Variants in CSMD1 observed in about 807,000 individuals in gnomAD.
CSMD1 encodes CUB and Sushi multiple domains 1.
A neutral mutation model predicts 417.5 loss-of-function variants in CSMD1; 213 were observed. That is an observed-to-expected ratio of 0.51 (90% CI 0.46 to 0.57). The LOEUF is 0.57. Ranked by LOEUF, CSMD1 falls within the 20% of genes least tolerant of loss-of-function variation. CSMD1 has a pLI of 0.00. For synonymous variants in CSMD1, 2,862 were observed against 1,736.8 expected (o/e 1.65, Z -16.11); for missense variants, 6,923 against 4,529.7 (o/e 1.53, Z -15.17).
At chr8:3,778,375 G>C (rs560128282) in intron 5 of CSMD1, among the ~76,000 whole-genome samples, 1 of 152,190 alleles carries the variant, frequency 6.6e-6, no homozygotes. Flanking sequence ...ATTTCGGTAA[G>C]AAGACCGGGG....
chr8:4,983,845 G>GAGAC (rs1554540605), intron 1 of CSMD1, among the ~76,000 whole-genome samples: 2 of 151,904 alleles, frequency 1.3e-5, no homozygotes, highest in African/African-American at 4.8e-5. Flanking sequence ...ACATATGATA[G>GAGAC]AACTAGAAGT....
chr8:3,595,485 G>A (rs973516899), intron 8 of CSMD1, among the ~76,000 whole-genome samples: 3 of 152,090 alleles, frequency 2.0e-5, no homozygotes, highest in African/African-American at 7.2e-5. Flanking sequence ...GAGAGTAGAT[G>A]GAACTCTCTA....
In CSMD1 at chr8:2,937,361, T is replaced by G. The variant is rs1473365147; in HGVS notation, c.*1224A>C. The G allele has an allele frequency of 6.6e-6, 1 of 151,812 alleles. No individual in the cohort carries two copies. The highest frequency in any genetic ancestry group is 1.5e-5 in the Non-Finnish European group (1 of 67,978). 9.4% of individuals were successfully genotyped at this position (151,812 alleles called of 1,614,324 possible). ...ACTTGGTATTTTGATCCTGAACAAT[T>G]TTCACTGAGTTCAAGGTGCTACTGT... is the stretch of plus-strand genomic sequence containing the variant. On this transcript the variant is annotated 3_prime_UTR_variant, in exon 70 of 70. Transcript: ENST00000635120.
chr8:4,806,071 T>G (rs186159820), intron 1 of CSMD1, among the ~76,000 whole-genome samples: 1 of 152,232 alleles, frequency 6.6e-6, no homozygotes, highest in Admixed American at 6.5e-5. Flanking sequence ...TCGGTGTCAT[T>G]TACAGACCCA....
In CSMD1 at chr8:4,057,020, G is replaced by C. The variant is rs1237254676; in HGVS notation, c.416-24921C>G. On this transcript the variant is annotated intron_variant, in intron 3 of 69. Transcript: ENST00000635120. Reference sequence around the variant, plus strand: ...TACGTGTGCATGTGTCTTTATAGCAGCATGATTTATAGTCCTTTGGGTATG... The same window carrying C: ...TACGTGTGCATGTGTCTTTATAGCACCATGATTTATAGTCCTTTGGGTATG... 2.6e-5 allele frequency among the ~76,000 whole-genome samples: 4 copies of C among 152,272 alleles called. No individual in the cohort carries two copies. In the East Asian group the frequency reaches 7.7e-4, roughly 29 times the overall value.
At chr8:4,024,539 C>T (rs1796964234) in intron 4 of CSMD1, among the ~76,000 whole-genome samples, 1 of 152,138 alleles carries the variant, frequency 6.6e-6, no homozygotes, top group African/African-American at 2.4e-5. Context: ...AATCAGAGGT[C>T]AAGTCAATTT....
intron 5 of CSMD1, among the ~76,000 whole-genome samples, chr8:3,794,247 G>C (rs76150434): frequency 0.028 from 4,215 of 152,300 alleles, 90 homozygotes; most frequent in African/African-American, 0.051. Context: ...ACGCAGTTGA[G>C]ATGTTGATGG....
At chr8:2,978,065 C>T (rs1032556036) in intron 55 of CSMD1, among the ~76,000 whole-genome samples, 2 of 152,172 alleles carry the variant, frequency 1.3e-5, no homozygotes, top group Non-Finnish European at 2.9e-5. Flanking sequence ...CCAGCAATCC[C>T]ACTACTGGGT....
rs540717750 is a variant in CSMD1 at position 4,624,498 on chromosome 8, G to A, written c.302+12844C>T. Among the ~76,000 whole-genome samples the A allele has an allele frequency of 1.8e-3, 269 of 152,236 alleles. No individual in the cohort carries two copies. In the South Asian group the frequency reaches 0.02, roughly 11 times the overall value. ...ACCTTCTACATCAGAGGTTGCAAGC[G>A]CTGCTACACAGGTGCATTGCCTTTG... On this transcript the variant is annotated intron_variant, in intron 2 of 69. Transcript: ENST00000635120.
At chr8:4,322,994 C>T (rs562907977) in intron 3 of CSMD1, among the ~76,000 whole-genome samples, 3 of 152,116 alleles carry the variant, frequency 2.0e-5, no homozygotes, top group South Asian at 4.1e-4. Flanking sequence ...CAAAAAACTA[C>T]ACTAAAATAT....
chr8:3,884,955 A>G (rs1806457350), intron 5 of CSMD1, among the ~76,000 whole-genome samples: 1 of 150,030 alleles, frequency 6.7e-6, no homozygotes. Flanking sequence ...ACACACACAC[A>G]CACATTCAGA....
chr8:4,048,410 T>C (rs939876094), intron 3 of CSMD1, among the ~76,000 whole-genome samples: 3 of 152,202 alleles, frequency 2.0e-5, no homozygotes, highest in Non-Finnish European at 2.9e-5. Context: ...ACTGTGTACA[T>C]ATTTCAATTT....
chr8:4,942,921 G>T (rs191990472), intron 1 of CSMD1, among the ~76,000 whole-genome samples: 1 of 152,194 alleles, frequency 6.6e-6, no homozygotes, highest in Non-Finnish European at 1.5e-5. Context: ...CAATGGTTTG[G>T]ATTAGGTTAT....
chr8:3,168,983 C>A (rs955185738), intron 37 of CSMD1, among the ~76,000 whole-genome samples: 1 of 152,106 alleles, frequency 6.6e-6, no homozygotes, highest in African/African-American at 2.4e-5. Flanking sequence ...CAGAGAAACT[C>A]TGCAGTGATG....
chr8:4,794,942 T>C (rs542039124), intron 1 of CSMD1, among the ~76,000 whole-genome samples: 4 of 151,698 alleles, frequency 2.6e-5, no homozygotes, highest in East Asian at 1.9e-4. Context: ...AAGGGAGTCC[T>C]ACTATTGTTT....
At chr8:3,456,199 T>C (rs1041599066) in intron 12 of CSMD1, among the ~76,000 whole-genome samples, 1 of 152,128 alleles carries the variant, frequency 6.6e-6, no homozygotes. Context: ...ATTTTCCAGG[T>C]GCCGTCTGTC....
intron 1 of CSMD1, among the ~76,000 whole-genome samples, chr8:4,924,639 T>C (rs1022545676): frequency 2.8e-5 from 4 of 144,250 alleles, no homozygotes; most frequent in East Asian, 2.1e-4. Context: ...AGAGAATTAC[T>C]TGAAACTGGG....
At chr8:4,068,008 G>A (rs951299966) in intron 3 of CSMD1, among the ~76,000 whole-genome samples, 2 of 152,040 alleles carry the variant, frequency 1.3e-5, no homozygotes, top group African/African-American at 4.8e-5. Flanking sequence ...ACCCTGAGTG[G>A]GGGCGAAGGT....
At chr8:4,084,854 C>G (rs547181896) in intron 3 of CSMD1, among the ~76,000 whole-genome samples, 1 of 148,288 alleles carries the variant, frequency 6.7e-6, no homozygotes, top group East Asian at 2.1e-4. Context: ...AGAAGAATGA[C>G]AAAAGCATGG....
Sources: allele counts gnomAD v4.1 joint callset (sites outside exome capture counted in the v4.1 genomes callset), GRCh38; gene constraint gnomAD v4.1.1; transcripts MANE v1.5; gene names NCBI Gene and HGNC (gene_info 2026-07-23, HGNC 2026-07-21).